Variants in FSTL5 observed in about 807,000 individuals in gnomAD.
FSTL5 encodes the protein follistatin-related protein 5.
In FSTL5, 62 loss-of-function variants were observed where a neutral mutation model predicts 89.1. The observed-to-expected ratio is 0.70, with a 90% confidence interval of 0.57 to 0.86. FSTL5 has a LOEUF of 0.86. Ranked by LOEUF, FSTL5 falls within the 40% of genes least tolerant of loss-of-function variation. The pLI is 0.00. For missense variants in FSTL5, 1,057 were observed against 1,001.6 expected (o/e 1.06, Z -0.75); for synonymous variants, 383 against 346.2 (o/e 1.11, Z -1.18).
intron 7 of FSTL5, among the ~76,000 whole-genome samples, chr4:161,588,627 T>TATAAAAC (rs1733701229): frequency 2.0e-5 from 3 of 152,172 alleles, no homozygotes; most frequent in African/African-American, 7.2e-5. Flanking sequence ...TCAATTTTTT[T>TATAAAAC]CAGAATTCTG....
chr4:162,111,217 A>C (rs1731424537), intron 2 of FSTL5, 54 bp downstream of exon 2: 1 of 1,387,984 alleles, frequency 7.2e-7, no homozygotes, highest in Non-Finnish European at 9.7e-7. Flanking sequence ...GAAAACTAAT[A>C]GCTTAGTTTA....
intron 4 of FSTL5, among the ~76,000 whole-genome samples, chr4:161,852,484 G>A (rs1379748116): frequency 6.6e-6 from 1 of 152,190 alleles, no homozygotes; most frequent in African/African-American, 2.4e-5. Flanking sequence ...AAGTGGTGGA[G>A]ACTAAGGAAT....
intron 6 of FSTL5, 37 bp downstream of exon 6, chr4:161,759,374 G>T (rs376694359): frequency 1.8e-4 from 285 of 1,561,636 alleles, no homozygotes; most frequent in Non-Finnish European, 2.3e-4. Flanking sequence ...ACAGGAAAAA[G>T]AACAAAGGGA....
At chr4:161,472,137 C>T (rs568471634) in intron 13 of FSTL5, among the ~76,000 whole-genome samples, 7 of 152,076 alleles carry the variant, frequency 4.6e-5, no homozygotes, top group Non-Finnish European at 1.0e-4. Context: ...CCACCACGCC[C>T]GGCTAATTTT....
intron 4 of FSTL5, among the ~76,000 whole-genome samples, chr4:161,912,405 C>T (rs1733719679): frequency 6.6e-6 from 1 of 152,094 alleles, no homozygotes; most frequent in Non-Finnish European, 1.5e-5. Context: ...GTAATTGAAT[C>T]ATGGGGGCCA....
chr4:161,440,419 G>GA (rs1162264017), intron 15 of FSTL5, among the ~76,000 whole-genome samples: 475 of 144,342 alleles, frequency 3.3e-3, no homozygotes, highest in Middle Eastern at 6.9e-3. Context: ...AGCCGAAAAA[G>GA]AAAAAAAAAA....
intron 4 of FSTL5, among the ~76,000 whole-genome samples, chr4:161,880,568 A>C (rs1475069020): frequency 6.6e-6 from 1 of 152,132 alleles, no homozygotes; most frequent in East Asian, 1.9e-4. Context: ...ACAAATAAAA[A>C]TGTATGTCCA....
chr4:161,998,389 GT>G (rs934306850), intron 3 of FSTL5, among the ~76,000 whole-genome samples: 1 of 152,090 alleles, frequency 6.6e-6, no homozygotes, highest in Non-Finnish European at 1.5e-5. Flanking sequence ...CTGTGGGAAG[GT>G]AAGAGCCTAC....
chr4:162,057,033 T>G (rs1292046280), intron 2 of FSTL5, among the ~76,000 whole-genome samples: 1 of 152,244 alleles, frequency 6.6e-6, no homozygotes, highest in East Asian at 1.9e-4. Flanking sequence ...GGAGTGTGAT[T>G]GAAACTGCTG....
At chr4:161,906,982 T>C (rs2110814889) in intron 4 of FSTL5, among the ~76,000 whole-genome samples, 1 of 152,246 alleles carries the variant, frequency 6.6e-6, no homozygotes, top group South Asian at 2.1e-4. Flanking sequence ...TGAACAAAGC[T>C]GTTGCTGTGT....
chr4:161,662,905 T>C (rs1472214870), intron 6 of FSTL5, among the ~76,000 whole-genome samples: 1 of 152,144 alleles, frequency 6.6e-6, no homozygotes, highest in Non-Finnish European at 1.5e-5. Context: ...ATTCTGAGGC[T>C]GGGGAGACCT....
At chr4:161,629,807 T>G (rs1433103269) in intron 7 of FSTL5, among the ~76,000 whole-genome samples, 3 of 152,206 alleles carry the variant, frequency 2.0e-5, no homozygotes, top group Non-Finnish European at 2.9e-5. Context: ...TGTGAACCTT[T>G]AGGCCTGACT....
At chr4:161,934,179 C>A (rs1002871900) in intron 3 of FSTL5, among the ~76,000 whole-genome samples, 9 of 152,090 alleles carry the variant, frequency 5.9e-5, no homozygotes, top group Non-Finnish European at 1.0e-4. Flanking sequence ...AGGCTTCAAA[C>A]TTATGCTTTC....
chr4:161,762,004 T>C (rs961556479), intron 5 of FSTL5, among the ~76,000 whole-genome samples: 4 of 152,186 alleles, frequency 2.6e-5, no homozygotes, highest in East Asian at 1.9e-4. Flanking sequence ...TACTTTCCTA[T>C]GACTTTTCTT....
chr4:161,425,923 G>A (rs1325406784), intron 15 of FSTL5, among the ~76,000 whole-genome samples: 7 of 150,950 alleles, frequency 4.6e-5, no homozygotes, highest in African/African-American at 1.5e-4. Flanking sequence ...GAGCTTAAAG[G>A]TGCTGTAGGG....
At chr4:161,835,710 T>C (rs142272844) in intron 4 of FSTL5, among the ~76,000 whole-genome samples, 13,771 of 152,136 alleles carry the variant, frequency 0.091, 780 homozygotes, top group African/African-American at 0.16. Context: ...AAAATGCTCA[T>C]CATCACTGGC....
chr4:161,725,926 C>T (rs1270178277), intron 6 of FSTL5, among the ~76,000 whole-genome samples: 1 of 152,124 alleles, frequency 6.6e-6, no homozygotes, highest in Non-Finnish European at 1.5e-5. Flanking sequence ...AAGGTTTTTG[C>T]CACTACTTTT....
intron 13 of FSTL5, among the ~76,000 whole-genome samples, chr4:161,466,237 C>G (rs773212198): frequency 1.5e-4 from 23 of 152,140 alleles, no homozygotes; most frequent in Non-Finnish European, 2.9e-4. Flanking sequence ...TCTAAACTCC[C>G]TCACAATCCC....
At position 161,453,907 on chromosome 4, in the gene FSTL5, A is replaced by C. The variant is rs577233249; in HGVS notation, c.1841+1097T>G. ...CCATGCCCAGCCTGCACATTATGTT[A>C]TTTAATCACTTTTTTGCTGAGCACA... On this transcript the variant is annotated intron_variant, in intron 15 of 15. Transcript: ENST00000306100. Among the ~76,000 whole-genome samples, 33 of 152,048 alleles carry C rather than the reference A, an allele frequency of 2.2e-4. 1 individual carries two copies. The highest frequency in any genetic ancestry group is 1.0e-3 in the Admixed American group (16 of 15,262).
Sources: gnomAD v4.1 joint callset for allele counts (sites outside exome capture counted in the v4.1 genomes callset) on GRCh38, gnomAD v4.1.1 for gene constraint, MANE v1.5 for transcripts, NCBI Gene and HGNC (gene_info 2026-07-23, HGNC 2026-07-21) for gene names.